Variants in MYO1D observed in about 807,000 individuals in gnomAD.
The protein encoded by MYO1D is unconventional myosin-Id.
A neutral mutation model predicts 122.0 loss-of-function variants in MYO1D; 83 were observed. The observed-to-expected ratio is 0.68, with a 90% confidence interval of 0.57 to 0.82. The LOEUF is 0.82. Among genes scored for constraint, MYO1D ranks in the 40% least tolerant of loss-of-function variants. The probability of loss-of-function intolerance (pLI) is 0.00; values close to 1 mark genes in which losing one functional copy is unlikely to be tolerated. For missense variants in MYO1D, 1,157 were observed against 1,269.5 expected, an observed-to-expected ratio of 0.91 and a Z score of 1.35; for synonymous variants, 464 against 446.9, an observed-to-expected ratio of 1.04 and a Z score of -0.48.
At chr17:32,508,098 T>C (rs1909561432) in intron 21 of MYO1D, among the ~76,000 whole-genome samples, 1 of 152,042 alleles carries the variant, frequency 6.6e-6, no homozygotes, top group African/African-American at 2.4e-5. Context: ...GGTGTCATCA[T>C]GTTGGCCAGG....
chr17:32,688,941 G>GT (rs1415783475), intron 16 of MYO1D, among the ~76,000 whole-genome samples: 1 of 151,854 alleles, frequency 6.6e-6, no homozygotes, highest in Non-Finnish European at 1.5e-5. Context: ...GTGTGTGTGT[G>GT]TGTGTGTATG....
chr17:32,639,930 T>C (rs990216520), intron 19 of MYO1D, among the ~76,000 whole-genome samples: 2 of 152,140 alleles, frequency 1.3e-5, no homozygotes, highest in Admixed American at 6.5e-5. Context: ...TTTGAAAACA[T>C]GGTTAGCTTC....
At chr17:32,549,600 G>A (rs1486991744) in intron 21 of MYO1D, among the ~76,000 whole-genome samples, 1 of 152,130 alleles carries the variant, frequency 6.6e-6, no homozygotes, top group African/African-American at 2.4e-5. Context: ...GTTTGGAGAG[G>A]GTCTGCCATG....
chr17:32,842,459 A>G (rs149845369), intron 1 of MYO1D, among the ~76,000 whole-genome samples: 1 of 152,278 alleles, frequency 6.6e-6, no homozygotes, highest in East Asian at 1.9e-4. Context: ...GATTAGAAAT[A>G]TGCAGTTATT....
intron 14 of MYO1D, among the ~76,000 whole-genome samples, chr17:32,728,793 G>A (rs985850952): frequency 1.3e-5 from 2 of 152,156 alleles, no homozygotes; most frequent in Non-Finnish European, 2.9e-5. Flanking sequence ...ATCATATGAA[G>A]AGTATTAATA....
chr17:32,746,685 G>C (rs1244918381), intron 12 of MYO1D, among the ~76,000 whole-genome samples: 1 of 152,116 alleles, frequency 6.6e-6, no homozygotes. Flanking sequence ...ACCTTATGAA[G>C]TACTGAGCAC....
intron 19 of MYO1D, among the ~76,000 whole-genome samples, chr17:32,640,342 T>C (rs1373214504): frequency 1.3e-5 from 2 of 152,116 alleles, no homozygotes; most frequent in African/African-American, 2.4e-5. Flanking sequence ...TTTATTATTA[T>C]ACTTTAAGTT....
At chr17:32,749,714 G>A (rs2089878923) in intron 11 of MYO1D, among the ~76,000 whole-genome samples, 1 of 152,146 alleles carries the variant, frequency 6.6e-6, no homozygotes, top group East Asian at 1.9e-4. Flanking sequence ...GCAATACAGC[G>A]AGACCCTGTC....
At chr17:32,768,601 G>A (rs984811045) in intron 6 of MYO1D, among the ~76,000 whole-genome samples, 8 of 152,190 alleles carry the variant, frequency 5.3e-5, no homozygotes, top group African/African-American at 7.2e-5. Context: ...TCTGCCTGGT[G>A]AGTACAAGTT....
intron 1 of MYO1D, among the ~76,000 whole-genome samples, chr17:32,822,523 C>T (rs1403489087): frequency 1.3e-5 from 2 of 151,296 alleles, no homozygotes; most frequent in Non-Finnish European, 3.0e-5. Context: ...CGGTTCCCGC[C>T]TCCTCCCCGT....
intron 14 of MYO1D, among the ~76,000 whole-genome samples, chr17:32,731,898 C>T (rs566562504): frequency 6.6e-5 from 10 of 152,324 alleles, no homozygotes; most frequent in South Asian, 2.1e-4. Flanking sequence ...TCTGCACTCC[C>T]GGGGACATGG....
chr17:32,527,505 A>G (rs1212169119), intron 21 of MYO1D, among the ~76,000 whole-genome samples: 2 of 152,220 alleles, frequency 1.3e-5, no homozygotes, highest in African/African-American at 2.4e-5. Context: ...AAAGCTACAT[A>G]AAAGTAGCCA....
At chr17:32,720,230 A>G (rs990004747) in intron 15 of MYO1D, among the ~76,000 whole-genome samples, 1 of 152,178 alleles carries the variant, frequency 6.6e-6, no homozygotes, top group Non-Finnish European at 1.5e-5. Flanking sequence ...ATTTTTTTAT[A>G]TGACATGGTA....
At chr17:32,773,548 C>T (rs1254913221) in intron 4 of MYO1D, among the ~76,000 whole-genome samples, 3 of 150,404 alleles carry the variant, frequency 2.0e-5, no homozygotes, top group Non-Finnish European at 4.4e-5. Flanking sequence ...CCCCCGACCC[C>T]GGCCCATGTC....
At chr17:32,749,691 T>C (rs1420276368) in intron 11 of MYO1D, among the ~76,000 whole-genome samples, 6 of 152,076 alleles carry the variant, frequency 3.9e-5, no homozygotes, top group Non-Finnish European at 8.8e-5. Flanking sequence ...TGGGCCACTG[T>C]ACTCCAGCCT....
intron 16 of MYO1D, chr17:32,659,546 A>G (rs1339883445): frequency 3.4e-6 from 2 of 586,226 alleles, no homozygotes; most frequent in Non-Finnish European, 6.1e-6. Flanking sequence ...TCAGCTGTCT[A>G]GCTGCTCATT....
At chr17:32,619,932 A>G (rs1845652721) in intron 20 of MYO1D, among the ~76,000 whole-genome samples, 1 of 152,194 alleles carries the variant, frequency 6.6e-6, no homozygotes, top group Admixed American at 6.5e-5. Context: ...TTTGTATTGT[A>G]TCCTGGTCAT....
chr17:32,673,705 G>T (rs1211523318), intron 16 of MYO1D, among the ~76,000 whole-genome samples: 1 of 152,212 alleles, frequency 6.6e-6, no homozygotes, highest in East Asian at 1.9e-4. Flanking sequence ...TAGCCTAGGT[G>T]ATATAGTGAT....
rs373700353 is a variant in MYO1D at position 32,702,445 on chromosome 17, A to AT, written c.2121+9542dup. On this transcript the variant is annotated intron_variant, in intron 16 of 21. Coordinates refer to ENST00000318217, the MANE Select transcript of MYO1D (RefSeq NM_015194.3). ...AGAAACAATCATATAATTTTAGCCTATATCTTGAATATTTTATTTCACTAG... is the reference window on the plus strand; with the variant it reads ...AGAAACAATCATATAATTTTAGCCTATTATCTTGAATATTTTATTTCACTAG... Among the ~76,000 whole-genome samples, 339 of 152,244 alleles carry AT rather than the reference A, an allele frequency of 2.2e-3. 4 individuals carry two copies. The highest frequency in any genetic ancestry group is 7.9e-3 in the African/African-American group (328 of 41,542).
Sources: gnomAD v4.1 joint callset for allele counts (sites outside exome capture counted in the v4.1 genomes callset) on GRCh38, gnomAD v4.1.1 for gene constraint, MANE v1.5 for transcripts, NCBI Gene and HGNC (gene_info 2026-07-23, HGNC 2026-07-21) for gene names.